DLG2: variants seen among roughly 807,000 people sequenced by gnomAD.
The protein encoded by DLG2 is discs large MAGUK scaffold protein 2, also known as disks large homolog 2.
Under a neutral mutation model 132.5 loss-of-function variants are expected in DLG2, and 45 were observed. That is an observed-to-expected ratio of 0.34 (90% CI 0.27 to 0.44). DLG2 has a LOEUF of 0.44. Among genes scored for constraint, DLG2 ranks in the 20% least tolerant of loss-of-function variants. The pLI is 1.00. For missense variants in DLG2, 1,045 were observed against 1,196.9 expected, an observed-to-expected ratio of 0.87 and a Z score of 1.87; for synonymous variants, 424 against 419.6, an observed-to-expected ratio of 1.01 and a Z score of -0.13.
intron 14 of DLG2, among the ~76,000 whole-genome samples, chr11:83,948,679 G>A (rs564531169): frequency 1.3e-5 from 2 of 151,404 alleles, no homozygotes; most frequent in East Asian, 3.9e-4. Context: ...CCAACTGCAT[G>A]TTAATAGCAT....
intron 3 of DLG2, among the ~76,000 whole-genome samples, chr11:85,384,067 A>G (rs1596726815): frequency 6.6e-6 from 1 of 152,288 alleles, no homozygotes; most frequent in East Asian, 1.9e-4. Context: ...TTCCTAGGAT[A>G]CTTTTTATTG....
chr11:84,259,128 C>T (rs916866121), intron 7 of DLG2, among the ~76,000 whole-genome samples: 2 of 151,834 alleles, frequency 1.3e-5, no homozygotes, highest in East Asian at 3.9e-4. Flanking sequence ...AAAAATTAGC[C>T]GGGCATGGGG....
chr11:85,565,898 A>G (rs1176738798), intron 3 of DLG2, among the ~76,000 whole-genome samples: 1 of 152,056 alleles, frequency 6.6e-6, no homozygotes, highest in East Asian at 1.9e-4. Flanking sequence ...TCATGTGGTA[A>G]CTCTATATTT....
chr11:84,752,568 T>C (rs567655258), intron 6 of DLG2, among the ~76,000 whole-genome samples: 7 of 150,274 alleles, frequency 4.7e-5, no homozygotes, highest in East Asian at 3.9e-4. Context: ...CTTTTTCTTT[T>C]TTTTTTTTTT....
In DLG2 at chr11:83,833,620, G is replaced by A; in HGVS notation, c.1716C>T (p.Ile572=). 2 of 1,613,706 alleles carry A rather than the reference G, an allele frequency of 1.2e-6. No homozygotes were observed. Among genetic ancestry groups the A allele is most frequent in the Non-Finnish European group, 1.7e-6 (2 of 1,179,768 alleles). Residue 572 remains isoleucine (I), a synonymous_variant, in exon 17 of 28, where the codon ATC becomes ATT. Transcript: ENST00000376104. The part of the protein sequence containing the change: ...LSGELQRGDQ[I]LSVNGIDLRG... ...ATTAAAGAAACATACTCACCGATAG[G>A]ATCTGGTCTCCTCTCTGGAGCTCCC...
At chr11:85,125,110 G>C (rs182897144) in intron 5 of DLG2, among the ~76,000 whole-genome samples, 6 of 152,330 alleles carry the variant, frequency 3.9e-5, no homozygotes, top group African/African-American at 9.6e-5. Flanking sequence ...GATTACAGGC[G>C]TGAGCCACCG....
chr11:85,159,360 A>G (rs2088016), intron 4 of DLG2, among the ~76,000 whole-genome samples: 15,947 of 152,276 alleles, frequency 0.1, 1,198 homozygotes, highest in African/African-American at 0.21. Context: ...CATTGGCTCC[A>G]TGACTGGTAG....
intron 14 of DLG2, among the ~76,000 whole-genome samples, chr11:83,956,165 T>C (rs895625506): frequency 9.2e-5 from 14 of 152,168 alleles, no homozygotes; most frequent in African/African-American, 3.4e-4. Flanking sequence ...GACGTTTTCA[T>C]CGCTCAGTCA....
intron 3 of DLG2, among the ~76,000 whole-genome samples, chr11:85,575,628 A>ATTTGC (rs1259067004): frequency 6.6e-6 from 1 of 151,382 alleles, no homozygotes; most frequent in Non-Finnish European, 1.5e-5. Context: ...CTACCTTTGC[A>ATTTGC]TTTGCATTGC....
At chr11:84,470,843 A>C (rs2099106573) in intron 7 of DLG2, among the ~76,000 whole-genome samples, 1 of 151,926 alleles carries the variant, frequency 6.6e-6, no homozygotes, top group South Asian at 2.1e-4. Flanking sequence ...TTATTCTGTA[A>C]GTACTGGGCA....
intron 6 of DLG2, among the ~76,000 whole-genome samples, chr11:85,057,238 A>G (rs1340229165): frequency 3.3e-5 from 5 of 151,870 alleles, no homozygotes; most frequent in African/African-American, 1.2e-4. Flanking sequence ...AACAAATAAT[A>G]TATAAATGTA....
intron 18 of DLG2, among the ~76,000 whole-genome samples, chr11:83,671,527 T>C (rs1303319337): frequency 6.6e-6 from 1 of 152,190 alleles, no homozygotes. Context: ...AATTATCATA[T>C]AATAAGATAA....
chr11:84,246,409 T>C (rs1403471106), intron 8 of DLG2, among the ~76,000 whole-genome samples: 1 of 152,154 alleles, frequency 6.6e-6, no homozygotes, highest in Admixed American at 6.6e-5. Flanking sequence ...GGTATAGTAG[T>C]TTCTGTGTTC....
At chr11:83,542,069 G>A (rs1369497298) in intron 19 of DLG2, among the ~76,000 whole-genome samples, 1 of 85,246 alleles carries the variant, frequency 1.2e-5, no homozygotes, top group Non-Finnish European at 2.5e-5. Context: ...TACAGGGGTG[G>A]CCTATAGATT....
chr11:85,234,737 C>T (rs1232751426), intron 4 of DLG2, among the ~76,000 whole-genome samples: 1 of 151,970 alleles, frequency 6.6e-6, no homozygotes, highest in African/African-American at 2.4e-5. Context: ...AATCATGCCT[C>T]AGGGTTAAAA....
intron 6 of DLG2, among the ~76,000 whole-genome samples, chr11:84,906,381 AACACACACACACAC>A (rs35833007): frequency 2.8e-5 from 4 of 144,206 alleles, no homozygotes; most frequent in Admixed American, 6.9e-5. Context: ...CAGCAAGGCT[AACACACACACACAC>A]ACACACACAC....
At chr11:84,256,129 CTTTT>C (rs5793117) in intron 7 of DLG2, among the ~76,000 whole-genome samples, 2 of 149,684 alleles carry the variant, frequency 1.3e-5, no homozygotes, top group East Asian at 3.9e-4. Flanking sequence ...AATAGATACA[CTTTT>C]TTTTTTGCTT....
At chr11:84,031,552 A>C (rs1460541864) in intron 11 of DLG2, among the ~76,000 whole-genome samples, 1 of 152,204 alleles carries the variant, frequency 6.6e-6, no homozygotes, top group East Asian at 1.9e-4. Context: ...CTTTTACCTT[A>C]CTAAGTCCAG....
intron 15 of DLG2, among the ~76,000 whole-genome samples, chr11:83,887,864 A>C (rs952570821): frequency 4.6e-5 from 6 of 130,216 alleles, no homozygotes; most frequent in Non-Finnish European, 1.0e-4. Context: ...GATTATCTCA[A>C]TAGATGCAGA....
Sources: gnomAD v4.1 joint callset for allele counts (sites outside exome capture counted in the v4.1 genomes callset) on GRCh38, gnomAD v4.1.1 for gene constraint, MANE v1.5 for transcripts, NCBI Gene and HGNC (gene_info 2026-07-23, HGNC 2026-07-21) for gene names.